Variants in ZBTB20 observed in about 807,000 individuals in gnomAD.
ZBTB20 encodes zinc finger and BTB domain containing 20.
In ZBTB20, 9 loss-of-function variants were observed where a neutral mutation model predicts 56.9. The observed-to-expected ratio is 0.16, with a 90% CI of 0.10 to 0.28. The LOEUF (loss-of-function observed/expected upper bound fraction) is 0.28, where lower values mean the gene tolerates loss of function less well. Ranked by LOEUF, ZBTB20 falls within the 10% of genes least tolerant of loss-of-function variation. The pLI is 1.00. For synonymous variants in ZBTB20, 417 were observed against 420.7 expected (o/e 0.99, Z 0.11); for missense variants, 655 against 1,003.0 (o/e 0.65, Z 4.69).
rs115453891 is a variant in ZBTB20 at position 115,127,410 on chromosome 3, C to A, written c.-703+19809G>T. 2.8e-3 allele frequency among the ~76,000 whole-genome samples: 424 copies of A among 152,094 alleles called. 1 individual carries two copies. The highest frequency in any genetic ancestry group is 9.4e-3 in the African/African-American group (390 of 41,498). ...TTCAAGAACATCCTGACCAACATGACGAAACCATGTCTGTACTAAAAATAC... is the reference window on the plus strand; with the variant it reads ...TTCAAGAACATCCTGACCAACATGAAGAAACCATGTCTGTACTAAAAATAC... On this transcript the variant is annotated intron_variant, in intron 1 of 11. Coordinates refer to ENST00000675478, the MANE Select transcript of ZBTB20 (RefSeq NM_001348800.3).
Position 114,337,650 on chromosome 3 carries a change from CT to C in ZBTB20, c.*1354del, listed in dbSNP as rs1420780547. 2.6e-5 allele frequency: 4 copies of C among 152,058 alleles called. No homozygotes were observed. Among genetic ancestry groups the C allele is most frequent in the Middle Eastern group, 3.4e-3 (1 of 294 alleles). The allele number at this position is 152,058 out of a possible 1,614,324, so 9.4% of individuals were successfully genotyped here. ...CAGGGATGGGCTGGCCACAGAGGCC[CT>C]CATCAACCCAGGCAATACTTAAAAT... On this transcript the variant is annotated 3_prime_UTR_variant, in exon 12 of 12. Transcript: ENST00000675478.
At chr3:115,031,676 T>C (rs1003514850) in intron 2 of ZBTB20, among the ~76,000 whole-genome samples, 1 of 151,504 alleles carries the variant, frequency 6.6e-6, no homozygotes, top group Non-Finnish European at 1.5e-5. Flanking sequence ...GTGTAGTTAA[T>C]TGAAAAAATG....
At chr3:114,710,615 C>T (rs1440468371) in intron 5 of ZBTB20, among the ~76,000 whole-genome samples, 1 of 152,024 alleles carries the variant, frequency 6.6e-6, no homozygotes, top group Non-Finnish European at 1.5e-5. Flanking sequence ...ACATTGAGAC[C>T]CTCAGCAACT....
intron 10 of ZBTB20, among the ~76,000 whole-genome samples, chr3:114,358,800 A>G (rs1029892249): frequency 6.6e-6 from 1 of 152,196 alleles, no homozygotes; most frequent in Admixed American, 6.5e-5. Flanking sequence ...CAATAGAAGA[A>G]ATTTATCCAT....
intron 6 of ZBTB20, among the ~76,000 whole-genome samples, chr3:114,530,533 T>C (rs1294090856): frequency 6.6e-6 from 1 of 152,210 alleles, no homozygotes; most frequent in Non-Finnish European, 1.5e-5. Flanking sequence ...ATTCCCTTTG[T>C]TGAGCAATGT....
intron 3 of ZBTB20, among the ~76,000 whole-genome samples, chr3:114,967,491 A>C (rs1699341295): frequency 6.6e-6 from 1 of 152,172 alleles, no homozygotes; most frequent in Admixed American, 6.5e-5. Flanking sequence ...AACAGTTTAC[A>C]TTCTCCCACA....
Position 114,350,922 on chromosome 3 carries a change from C to G in ZBTB20, c.1156G>C (p.Glu386Gln), listed in dbSNP as rs1445068784. The G allele has an allele frequency of 6.2e-7, 1 of 1,605,976 alleles. No individual in the cohort carries two copies. The highest frequency in any genetic ancestry group is 8.5e-7 in the Non-Finnish European group (1 of 1,179,920). The part of the protein sequence containing the change: ...DSGVSSSIGT[E>Q]PDSVEQQFGP... Reference sequence around the variant, plus strand: ...AACTGCTGCTCCACCGAGTCAGGCTCGGTGCCTATGGAGGAGCTGACGCCC... The same window carrying G: ...AACTGCTGCTCCACCGAGTCAGGCTGGGTGCCTATGGAGGAGCTGACGCCC... The change falls in exon 11 of 12, where the codon GAG (glutamate) becomes CAG (glutamine). Residue 386 changes from glutamate (E) to glutamine (Q), a missense_variant. Around this residue, in one of 10 missense-constraint regions of ZBTB20, gnomAD observed 156 missense variants for 181.0 expected, o/e 0.86. Coordinates refer to ENST00000675478, the MANE Select transcript of ZBTB20 (RefSeq NM_001348800.3).
At chr3:114,803,329 T>C (rs921411369) in intron 4 of ZBTB20, among the ~76,000 whole-genome samples, 4 of 151,800 alleles carry the variant, frequency 2.6e-5, no homozygotes, top group Non-Finnish European at 1.5e-5. Flanking sequence ...ACCAGCCCTC[T>C]TAATTCCCAT....
chr3:114,551,131 G>C (rs769999957), intron 6 of ZBTB20, among the ~76,000 whole-genome samples: 2 of 152,092 alleles, frequency 1.3e-5, no homozygotes. Flanking sequence ...AAATTATTTC[G>C]ATTGTCTTTA....
chr3:114,565,080 C>T (rs982633996), intron 6 of ZBTB20, among the ~76,000 whole-genome samples: 11 of 152,168 alleles, frequency 7.2e-5, no homozygotes, highest in Admixed American at 6.5e-4. Flanking sequence ...CTGCTGGAAA[C>T]TATTCAGCAT....
intron 3 of ZBTB20, among the ~76,000 whole-genome samples, chr3:114,913,631 T>C (rs891067482): frequency 6.6e-6 from 1 of 151,988 alleles, no homozygotes; most frequent in Non-Finnish European, 1.5e-5. Context: ...CTTGTGCTTA[T>C]GGGGTATTAA....
intron 5 of ZBTB20, among the ~76,000 whole-genome samples, chr3:114,724,725 A>G (rs189864755): frequency 2.0e-3 from 307 of 152,212 alleles, no homozygotes; most frequent in Non-Finnish European, 3.7e-3. Flanking sequence ...TATTGAAGGA[A>G]ATTGCAATAG....
intron 6 of ZBTB20, among the ~76,000 whole-genome samples, chr3:114,642,613 C>G (rs1462946033): frequency 1.3e-5 from 2 of 151,958 alleles, no homozygotes; most frequent in African/African-American, 4.8e-5. Context: ...TAGTTGAGAT[C>G]AGAAAAAGCC....
At chr3:114,684,695 A>G (rs1245208768) in intron 6 of ZBTB20, 1 of 152,202 alleles carries the variant, frequency 6.6e-6, no homozygotes, top group Admixed American at 6.5e-5. Flanking sequence ...TCAGAGCATA[A>G]GGATAAACAA....
intron 6 of ZBTB20, among the ~76,000 whole-genome samples, chr3:114,516,858 C>T (rs950385508): frequency 2.0e-5 from 3 of 152,182 alleles, no homozygotes; most frequent in East Asian, 3.9e-4. Flanking sequence ...TAGAAGGAGC[C>T]GACCCTGTTG....
chr3:114,355,558 CTTTT>C (rs1301559550), intron 10 of ZBTB20, among the ~76,000 whole-genome samples: 1 of 152,176 alleles, frequency 6.6e-6, no homozygotes, highest in Non-Finnish European at 1.5e-5. Context: ...CCCAGGCTTT[CTTTT>C]ATTTTTAACA....
chr3:114,770,118 C>T (rs556265733), intron 5 of ZBTB20, among the ~76,000 whole-genome samples: 38 of 150,942 alleles, frequency 2.5e-4, no homozygotes, highest in Admixed American at 1.1e-3. Flanking sequence ...GGGAAAGGGG[C>T]GAGGGATAGA....
intron 10 of ZBTB20, chr3:114,357,214 T>A (rs1014501684): frequency 3.3e-5 from 5 of 152,196 alleles, no homozygotes; most frequent in African/African-American, 1.2e-4. Context: ...TTCAGCACGT[T>A]TTTTTAGCCA....
At chr3:115,018,217 GTT>G (rs1197525913) in intron 2 of ZBTB20, among the ~76,000 whole-genome samples, 3 of 151,090 alleles carry the variant, frequency 2.0e-5, no homozygotes, top group Non-Finnish European at 4.4e-5. Context: ...TGATTAGTGT[GTT>G]TAAAGAGTTA....
Sources: gnomAD v4.1 joint callset for allele counts (sites outside exome capture counted in the v4.1 genomes callset) on GRCh38, gnomAD v4.1.1 for gene constraint, gnomAD v4.1.1 regional missense constraint, MANE v1.5 for transcripts, NCBI Gene and HGNC (gene_info 2026-07-23, HGNC 2026-07-21) for gene names.